Variants in LRRC4C observed in about 807,000 individuals in gnomAD.
LRRC4C encodes the protein leucine-rich repeat-containing protein 4C.
Under a neutral mutation model 33.6 loss-of-function variants are expected in LRRC4C, and 5 were observed. The observed-to-expected ratio is 0.15, with a 90% CI of 0.08 to 0.31. The LOEUF is 0.31. Among genes scored for constraint, LRRC4C ranks in the 10% least tolerant of loss-of-function variants. The pLI is 1.00. For missense variants in LRRC4C, 560 were observed against 796.7 expected (o/e 0.70, Z 3.58); for synonymous variants, 329 against 302.0 (o/e 1.09, Z -0.93).
intron 3 of LRRC4C, among the ~76,000 whole-genome samples, chr11:40,422,455 A>G (rs1037330348): frequency 1.3e-5 from 2 of 152,184 alleles, no homozygotes; most frequent in Non-Finnish European, 2.9e-5. Context: ...AGTTTAAATT[A>G]AACTCCAAAA....
intron 1 of LRRC4C, among the ~76,000 whole-genome samples, chr11:41,053,431 A>G (rs1476019071): frequency 6.6e-6 from 1 of 152,224 alleles, no homozygotes; most frequent in Non-Finnish European, 1.5e-5. Flanking sequence ...AACTTGGAAG[A>G]AGATCCTTTC....
chr11:40,342,918 C>T (rs1032998701), intron 3 of LRRC4C, among the ~76,000 whole-genome samples: 22 of 152,134 alleles, frequency 1.4e-4, no homozygotes, highest in Non-Finnish European at 3.1e-4. Context: ...GTCTAGTCAT[C>T]TCTCCATCTA....
At chr11:41,046,845 AACAAT>A (rs1184401284) in intron 1 of LRRC4C, among the ~76,000 whole-genome samples, 5 of 152,168 alleles carry the variant, frequency 3.3e-5, no homozygotes, top group African/African-American at 1.2e-4. Context: ...TAAGTAGTCT[AACAAT>A]ATGACAGCTA....
At chr11:41,347,396 C>T (rs537843633) in intron 1 of LRRC4C, among the ~76,000 whole-genome samples, 1 of 152,272 alleles carries the variant, frequency 6.6e-6, no homozygotes, top group East Asian at 1.9e-4. Context: ...GGATGTCACA[C>T]TCAGTGCACA....
At position 40,626,410 on chromosome 11, in the gene LRRC4C, T is replaced by C. The variant is rs913608350; in HGVS notation, c.-270+21732A>G. Among the ~76,000 whole-genome samples the C allele has an allele frequency of 7.9e-5, 12 of 152,318 alleles. No homozygotes were observed. In the South Asian group the frequency reaches 2.5e-3, roughly 32 times the overall value. Reference sequence around the variant, plus strand: ...TTCATTGATTTGTCATATATATTGCTGTCTCCACCTATTCAAAAGTTCCAT... The same window carrying C: ...TTCATTGATTTGTCATATATATTGCCGTCTCCACCTATTCAAAAGTTCCAT... On this transcript the variant is annotated intron_variant, in intron 3 of 6. Transcript: ENST00000528697.
At chr11:41,258,606 T>C (rs966954718) in intron 1 of LRRC4C, among the ~76,000 whole-genome samples, 1 of 151,944 alleles carries the variant, frequency 6.6e-6, no homozygotes, top group African/African-American at 2.4e-5. Flanking sequence ...TAAATATATA[T>C]AAATATTGAG....
At chr11:40,390,611 GATAAA>G (rs1288777508) in intron 3 of LRRC4C, among the ~76,000 whole-genome samples, 1 of 152,050 alleles carries the variant, frequency 6.6e-6, no homozygotes, top group Non-Finnish European at 1.5e-5. Context: ...TTTCTTAGGA[GATAAA>G]ATAAACATCT....
chr11:41,151,868 AT>A (rs1490614910), intron 1 of LRRC4C, among the ~76,000 whole-genome samples: 3 of 152,232 alleles, frequency 2.0e-5, no homozygotes, highest in African/African-American at 7.2e-5. Flanking sequence ...TAGAAAAGTT[AT>A]TTGATGGTAT....
At chr11:41,372,214 G>C (rs1329171250) in intron 1 of LRRC4C, among the ~76,000 whole-genome samples, 1 of 152,186 alleles carries the variant, frequency 6.6e-6, no homozygotes, top group Non-Finnish European at 1.5e-5. Context: ...GGTTGAATGT[G>C]GCTATACAGC....
At chr11:40,365,951 G>T (rs1002396312) in intron 3 of LRRC4C, among the ~76,000 whole-genome samples, 4 of 152,000 alleles carry the variant, frequency 2.6e-5, no homozygotes, top group African/African-American at 9.7e-5. Context: ...ATTCAGTTCA[G>T]TTCAACAAAT....
chr11:41,102,233 A>T (rs986907976), intron 1 of LRRC4C, among the ~76,000 whole-genome samples: 14 of 152,120 alleles, frequency 9.2e-5, no homozygotes, highest in Non-Finnish European at 4.4e-5. Context: ...GAGTCTAAAA[A>T]TGCTTGAATA....
chr11:40,584,448 C>T (rs75153543), intron 3 of LRRC4C, among the ~76,000 whole-genome samples: 98 of 151,904 alleles, frequency 6.5e-4, no homozygotes, highest in African/African-American at 2.2e-3. Context: ...CAGATAATAA[C>T]CCTCCAACCT....
chr11:40,737,385 G>A (rs377591214), intron 2 of LRRC4C, among the ~76,000 whole-genome samples: 1 of 151,918 alleles, frequency 6.6e-6, no homozygotes, highest in Admixed American at 6.6e-5. Context: ...TTAGGCAAGA[G>A]AAAAAAATAA....
chr11:41,148,716 T>G (rs1049381171), intron 1 of LRRC4C, among the ~76,000 whole-genome samples: 1 of 152,028 alleles, frequency 6.6e-6, no homozygotes, highest in African/African-American at 2.4e-5. Flanking sequence ...ATCAAGTTGG[T>G]GTTTGGATTC....
intron 1 of LRRC4C, among the ~76,000 whole-genome samples, chr11:41,285,544 G>A (rs1388073066): frequency 2.0e-5 from 3 of 152,082 alleles, no homozygotes; most frequent in Admixed American, 2.0e-4. Flanking sequence ...ACACACTTTA[G>A]TAATCATAAT....
intron 2 of LRRC4C, among the ~76,000 whole-genome samples, chr11:40,923,665 A>G (rs1957286902): frequency 6.6e-6 from 1 of 152,214 alleles, no homozygotes. Context: ...GATATATTGA[A>G]GTTTTTTACT....
intron 2 of LRRC4C, among the ~76,000 whole-genome samples, chr11:40,760,523 A>G (rs1949156197): frequency 6.6e-6 from 1 of 151,956 alleles, no homozygotes; most frequent in African/African-American, 2.4e-5. Flanking sequence ...ACTCATGCTC[A>G]ATATTATGTA....
At chr11:40,311,379 T>C (rs1334694043) in intron 4 of LRRC4C, among the ~76,000 whole-genome samples, 1 of 152,206 alleles carries the variant, frequency 6.6e-6, no homozygotes, top group African/African-American at 2.4e-5. Context: ...TAGTGCCTAA[T>C]TTTGTGGCAT....
chr11:40,355,062 C>T (rs1392085103), intron 3 of LRRC4C, among the ~76,000 whole-genome samples: 3 of 152,074 alleles, frequency 2.0e-5, no homozygotes, highest in Non-Finnish European at 4.4e-5. Context: ...GGTGCTAAAT[C>T]GTGCCAGGAC....
Sources: gnomAD v4.1 joint callset for allele counts (sites outside exome capture counted in the v4.1 genomes callset) on GRCh38, gnomAD v4.1.1 for gene constraint, MANE v1.5 for transcripts, NCBI Gene and HGNC (gene_info 2026-07-23, HGNC 2026-07-21) for gene names.